The following COL4A1 variants were observed in gnomAD, a reference collection of about 807,000 sequenced individuals.
COL4A1 encodes collagen type IV alpha 1 chain.
A neutral mutation model predicts 216.6 loss-of-function variants in COL4A1; 40 were observed. The observed-to-expected ratio is 0.18, with a 90% CI of 0.14 to 0.24. COL4A1 has a LOEUF of 0.24. Ranked by LOEUF, COL4A1 falls within the 10% of genes least tolerant of loss-of-function variation. The pLI is 1.00. For synonymous variants in COL4A1, 839 were observed against 810.7 expected (o/e 1.03, Z -0.59); for missense variants, 1,628 against 2,196.8 (o/e 0.74, Z 5.18).
intron 29 of COL4A1, among the ~76,000 whole-genome samples, chr13:110,179,865 T>C (rs1303742294): frequency 6.6e-6 from 1 of 152,196 alleles, no homozygotes; most frequent in African/African-American, 2.4e-5. Flanking sequence ...ATTTAGTTTT[T>C]TGGATTAATG....
At chr13:110,222,236 G>A (rs965197685) in intron 2 of COL4A1, among the ~76,000 whole-genome samples, 1 of 151,990 alleles carries the variant, frequency 6.6e-6, no homozygotes, top group Non-Finnish European at 1.5e-5. Flanking sequence ...CACACCCATG[G>A]GATCTCAGCC....
chr13:110,260,525 C>G (rs931194856), intron 1 of COL4A1, among the ~76,000 whole-genome samples: 5 of 152,212 alleles, frequency 3.3e-5, no homozygotes, highest in Non-Finnish European at 7.3e-5. Flanking sequence ...CCAACTAAAA[C>G]CAAGTGTCAC....
At chr13:110,230,454 A>G (rs964694519) in intron 2 of COL4A1, among the ~76,000 whole-genome samples, 2 of 152,092 alleles carry the variant, frequency 1.3e-5, no homozygotes, top group Admixed American at 1.3e-4. Flanking sequence ...CCCTGAACAG[A>G]GAGAAAGGAA....
chr13:110,183,327 G>C (rs367978688), intron 26 of COL4A1, 51 bp from the exon 27 acceptor site: 1 of 1,548,942 alleles, frequency 6.5e-7, no homozygotes, highest in Non-Finnish European at 8.8e-7. Context: ...AGGACCACAC[G>C]GAACACAGGG....
intron 2 of COL4A1, among the ~76,000 whole-genome samples, chr13:110,238,117 T>A (rs1448438572): frequency 6.6e-6 from 1 of 152,260 alleles, no homozygotes; most frequent in African/African-American, 2.4e-5. Flanking sequence ...GGACAGGAGC[T>A]GTGATTTATA....
intron 21 of COL4A1, 50 bp from the exon 22 acceptor site, chr13:110,195,168 C>T: frequency 1.4e-6 from 2 of 1,477,426 alleles, no homozygotes; most frequent in Non-Finnish European, 1.9e-6. Context: ...TGTTTTTACC[C>T]TCTCCTAACT....
intron 1 of COL4A1, among the ~76,000 whole-genome samples, chr13:110,299,495 C>G (rs1010508366): frequency 6.6e-6 from 1 of 152,178 alleles, no homozygotes; most frequent in East Asian, 1.9e-4. Flanking sequence ...AAAGCAAGCT[C>G]GGTATAAATG....
chr13:110,251,860 G>C (rs1222777047), intron 1 of COL4A1, among the ~76,000 whole-genome samples: 1 of 152,194 alleles, frequency 6.6e-6, no homozygotes, highest in South Asian at 2.1e-4. Context: ...ACTTACAGCA[G>C]AGGCACAGTC....
intron 2 of COL4A1, among the ~76,000 whole-genome samples, chr13:110,217,705 G>A (rs573255462): frequency 5.3e-5 from 8 of 152,274 alleles, no homozygotes; most frequent in South Asian, 2.1e-4. Context: ...CGCCAAAGCC[G>A]GAGATGACTA....
intron 1 of COL4A1, among the ~76,000 whole-genome samples, chr13:110,260,903 G>A (rs1444916116): frequency 2.6e-5 from 4 of 152,016 alleles, no homozygotes; most frequent in Admixed American, 2.0e-4. Context: ...TGGGTGCGGT[G>A]GAGGGCACCT....
chr13:110,277,798 C>T (rs1028557419), intron 1 of COL4A1, among the ~76,000 whole-genome samples: 3 of 152,234 alleles, frequency 2.0e-5, no homozygotes, highest in African/African-American at 7.2e-5. Flanking sequence ...TTTTGACCCA[C>T]GTCTTGCAAG....
intron 1 of COL4A1, among the ~76,000 whole-genome samples, chr13:110,246,003 G>A (rs1881791425): frequency 2.6e-5 from 4 of 152,026 alleles, no homozygotes; most frequent in African/African-American, 9.7e-5. Context: ...TGTGTGTAGG[G>A]AATTTGATTA....
At chr13:110,188,562 A>T (rs1233335825) in intron 24 of COL4A1, among the ~76,000 whole-genome samples, 1 of 152,238 alleles carries the variant, frequency 6.6e-6, no homozygotes, top group African/African-American at 2.4e-5. Flanking sequence ...TAGATCCAAG[A>T]CTACTCAGCC....
At chr13:110,165,094 C>G in intron 45 of COL4A1, 104 bp from the exon 46 acceptor site, 1 of 1,512,868 alleles carries the variant, frequency 6.6e-7, no homozygotes, top group Non-Finnish European at 8.9e-7. Flanking sequence ...ATGGAACGTA[C>G]TTCTCAAAGG....
intron 2 of COL4A1, among the ~76,000 whole-genome samples, chr13:110,226,397 C>T (rs894359651): frequency 1.3e-5 from 2 of 152,200 alleles, no homozygotes; most frequent in African/African-American, 2.4e-5. Flanking sequence ...AAGTAGCTAA[C>T]GACATACACC....
chr13:110,285,062 G>A (rs1883784874), intron 1 of COL4A1, among the ~76,000 whole-genome samples: 1 of 152,230 alleles, frequency 6.6e-6, no homozygotes, highest in East Asian at 1.9e-4. Context: ...CTGGGCTGAG[G>A]CTTTCAGGGA....
intron 1 of COL4A1, among the ~76,000 whole-genome samples, chr13:110,249,166 A>G (rs562508059): frequency 6.6e-6 from 1 of 152,202 alleles, no homozygotes; most frequent in East Asian, 1.9e-4. Flanking sequence ...AGAAGTCAGA[A>G]TTGTGATGAC....
At chr13:110,304,141 T>C (rs909615677) in intron 1 of COL4A1, among the ~76,000 whole-genome samples, 1 of 152,106 alleles carries the variant, frequency 6.6e-6, no homozygotes, top group Admixed American at 6.5e-5. Flanking sequence ...CTAGTCCAAT[T>C]CCATCTATTA....
intron 1 of COL4A1, among the ~76,000 whole-genome samples, chr13:110,288,456 C>T (rs143442196): frequency 1.2e-3 from 190 of 152,084 alleles, no homozygotes; most frequent in Non-Finnish European, 2.2e-3. Context: ...CTCTTGCAAC[C>T]AAAATGTCTA....
Sources: allele counts gnomAD v4.1 joint callset (sites outside exome capture counted in the v4.1 genomes callset), GRCh38; gene constraint gnomAD v4.1.1; transcripts MANE v1.5; gene names NCBI Gene and HGNC (gene_info 2026-07-23, HGNC 2026-07-21).